Variants in TRMO observed in about 807,000 individuals in gnomAD.
The protein encoded by TRMO is tRNA (adenine(37)-N6)-methyltransferase.
In TRMO, 30 loss-of-function variants were observed where a neutral mutation model predicts 37.2. The ratio of observed to expected loss-of-function variants is 0.81; its 90% confidence interval spans 0.60 to 1.09. The LOEUF (loss-of-function observed/expected upper bound fraction) is 1.09, where lower values mean the gene tolerates loss of function less well. Ranked by LOEUF, TRMO falls within the 50% of genes least tolerant of loss-of-function variation. The pLI, the probability that TRMO is intolerant of heterozygous loss-of-function variation, is 0.00. For missense variants in TRMO, 552 were observed against 549.5 expected (o/e 1.00, Z -0.05); for synonymous variants, 239 against 199.4 (o/e 1.20, Z -1.67).
At chr9:97,903,243 G>A (rs199667560), downstream of TRMO, among the ~76,000 whole-genome samples, 20 of 152,012 alleles carry the variant, frequency 1.3e-4, no homozygotes, top group East Asian at 3.9e-3. Context: ...ACTCCAGCCT[G>A]GGCAAAAGCA....
intron 1 of TRMO, among the ~76,000 whole-genome samples, chr9:97,921,423 A>T (rs957005337): frequency 2.9e-5 from 4 of 140,252 alleles, no homozygotes; most frequent in Non-Finnish European, 4.6e-5. Flanking sequence ...CAAAGTGTTA[A>T]TTTTTTTTTT....
intron 3 of TRMO, chr9:97,912,782 A>C (rs771860818): frequency 8.3e-6 from 4 of 479,956 alleles, no homozygotes. Context: ...TAACAAATGC[A>C]TCTGTTAGGT....
the TRMO span, among the ~76,000 whole-genome samples, chr9:97,898,700 T>C: frequency 3.3e-5 from 5 of 151,968 alleles, no homozygotes; most frequent in African/African-American, 9.7e-5. Flanking sequence ...GAAACTTATT[T>C]TTTACAATAT....
intron 4 of TRMO, among the ~76,000 whole-genome samples, chr9:97,909,449 G>GT (rs1826008640): frequency 6.6e-6 from 1 of 152,216 alleles, no homozygotes; most frequent in Non-Finnish European, 1.5e-5. Flanking sequence ...GCCTCTAGCA[G>GT]TGGGACTTTG....
At chr9:97,914,526 C>T (rs898665154) in intron 2 of TRMO, among the ~76,000 whole-genome samples, 2 of 152,016 alleles carry the variant, frequency 1.3e-5, no homozygotes, top group African/African-American at 4.8e-5. Flanking sequence ...CCAATATATC[C>T]ACTTCTGATA....
chr9:97,920,239 C>T (rs1483013564), intron 1 of TRMO, among the ~76,000 whole-genome samples: 3 of 152,152 alleles, frequency 2.0e-5, no homozygotes, highest in Admixed American at 6.5e-5. Context: ...CAGAGAAAGA[C>T]AAGTAAATCA....
intron 4 of TRMO, among the ~76,000 whole-genome samples, chr9:97,909,125 G>C (rs1825992622): frequency 6.6e-6 from 1 of 152,038 alleles, no homozygotes; most frequent in Non-Finnish European, 1.5e-5. Context: ...TGGCTTTTTG[G>C]ATTTTTAATA....
At chr9:97,899,115 G>A in the TRMO span, among the ~76,000 whole-genome samples, 4 of 152,152 alleles carry the variant, frequency 2.6e-5, no homozygotes, top group East Asian at 7.7e-4. Context: ...TGGGATTACA[G>A]GCATGAGCCA....
chr9:97,906,595 C>T (rs1245883309), intron 4 of TRMO, among the ~76,000 whole-genome samples: 9 of 152,152 alleles, frequency 5.9e-5, no homozygotes, highest in Non-Finnish European at 8.8e-5. Context: ...TTTGTAGTTA[C>T]ACTGCGTAAT....
Position 97,916,173 on chromosome 9 carries a change from G to A in TRMO, c.242C>T (p.Ser81Phe), listed in dbSNP as rs1394369499. The A allele has an allele frequency of 6.3e-7, 1 of 1,586,352 alleles. No individual in the cohort carries two copies. The highest frequency in any genetic ancestry group is 2.3e-5 in the East Asian group (1 of 43,798). Residue 81 changes from serine (S) to phenylalanine (F), a missense_variant, in exon 2 of 5, where the codon TCT becomes TTT. Ser to Phe is a radical substitution (Grantham distance 155). Coordinates refer to ENST00000375119, the MANE Select transcript of TRMO (RefSeq NM_016481.5). ...EHSLMGLEQF[S>F]HVWILFVFHK... Reference sequence around the variant, plus strand: ...CTATAAAGCAACTTACCAAACATGAGAAAACTGTTCTAGGCCCATCAAGGA... The same window carrying A: ...CTATAAAGCAACTTACCAAACATGAAAAAACTGTTCTAGGCCCATCAAGGA...
chr9:97,907,175 G>A (rs889781617), intron 4 of TRMO, among the ~76,000 whole-genome samples: 6 of 152,242 alleles, frequency 3.9e-5, no homozygotes, highest in South Asian at 2.1e-4. Flanking sequence ...CGAGACTGCC[G>A]TGTCCAGAAG....
intron 4 of TRMO, among the ~76,000 whole-genome samples, chr9:97,905,683 C>G (rs995955151): frequency 2.6e-5 from 4 of 152,172 alleles, no homozygotes; most frequent in Non-Finnish European, 4.4e-5. Context: ...AATGCCCCTT[C>G]CAGGAAGGTA....
intron 1 of TRMO, among the ~76,000 whole-genome samples, chr9:97,920,559 G>A (rs1826578106): frequency 6.6e-6 from 1 of 152,198 alleles, no homozygotes; most frequent in Non-Finnish European, 1.5e-5. Flanking sequence ...AATAGAAGGT[G>A]CCCAGCAAGG....
In TRMO at chr9:97,916,179, T is replaced by C. The variant is rs142235262; in HGVS notation, c.236A>G (p.Gln79Arg). The change falls in exon 2 of 5, where the codon CAG (glutamine) becomes CGG (arginine). Residue 79 changes from glutamine to arginine, a missense_variant. Transcript: ENST00000375119. ...NPEHSLMGLE[Q>R]FSHVWILFVF... ...AGCAACTTACCAAACATGAGAAAACTGTTCTAGGCCCATCAAGGAATGTTC... is the reference window on the plus strand; with the variant it reads ...AGCAACTTACCAAACATGAGAAAACCGTTCTAGGCCCATCAAGGAATGTTC... The C allele has an allele frequency of 1.9e-6, 3 of 1,585,320 alleles. No individual in the cohort carries two copies. Among genetic ancestry groups the C allele is most frequent in the African/African-American group, 2.7e-5 (2 of 73,398 alleles).
chr9:97,903,549 C>T (rs1362038268), downstream of TRMO, among the ~76,000 whole-genome samples: 3 of 152,204 alleles, frequency 2.0e-5, no homozygotes, highest in African/African-American at 7.2e-5. Context: ...CATAAATCCT[C>T]AGTTATCTGG....
Position 97,913,471 on chromosome 9 carries a change from A to C in TRMO, c.339T>G (p.Val113=). Residue 113 remains valine (V), a synonymous_variant, in exon 3 of 5, where the codon GTT becomes GTG. Transcript: ENST00000375119. ...GACGATGAGGGCTCCTTGTGGAAAA[A>C]ACTCCAGTCTTTGCACCATTCAGCC... The part of the protein sequence containing the change: ...PPRLNGAKTG[V]FSTRSPHRPN... The C allele has an allele frequency of 6.2e-7, 1 of 1,614,016 alleles. No homozygotes were observed. Among genetic ancestry groups the C allele is most frequent in the South Asian group, 1.1e-5 (1 of 91,080 alleles).
intron 2 of TRMO, among the ~76,000 whole-genome samples, chr9:97,913,824 CAACA>C (rs1826238004): frequency 1.3e-5 from 2 of 152,242 alleles, no homozygotes; most frequent in South Asian, 4.1e-4. Context: ...ATCAAGTGCC[CAACA>C]AACAATATTT....
At chr9:97,900,959 CCT>C (rs1831155903), downstream of TRMO, among the ~76,000 whole-genome samples, 1 of 152,176 alleles carries the variant, frequency 6.6e-6, no homozygotes, top group Admixed American at 6.5e-5. Flanking sequence ...CAATCCCACC[CCT>C]GAAGCCAAGC....
At chr9:97,912,993 T>C (rs1450397967) in intron 3 of TRMO, 2 of 1,141,138 alleles carry the variant, frequency 1.8e-6, no homozygotes, top group Non-Finnish European at 1.2e-6. Flanking sequence ...GAAGGAATGA[T>C]ATACCACCAG....
Sources: allele counts gnomAD v4.1 joint callset (sites outside exome capture counted in the v4.1 genomes callset), GRCh38; gene constraint gnomAD v4.1.1; transcripts MANE v1.5; gene names NCBI Gene and HGNC (gene_info 2026-07-23, HGNC 2026-07-21).